Variants in DDX60 observed in about 807,000 individuals in gnomAD.
The protein encoded by DDX60 is probable ATP-dependent RNA helicase DDX60.
In DDX60, 165 loss-of-function variants were observed where a neutral mutation model predicts 212.8. That is an observed-to-expected ratio of 0.78 (90% CI 0.68 to 0.88). The LOEUF (loss-of-function observed/expected upper bound fraction) is 0.88, where lower values mean the gene tolerates loss of function less well. Among genes scored for constraint, DDX60 ranks in the 40% least tolerant of loss-of-function variants. The pLI, the probability that DDX60 is intolerant of heterozygous loss-of-function variation, is 0.00. For synonymous variants in DDX60, 703 were observed against 685.3 expected, an observed-to-expected ratio of 1.03 and a Z score of -0.40; for missense variants, 1,905 against 2,003.9, an observed-to-expected ratio of 0.95 and a Z score of 0.94.
chr4:168,282,695 C>A lies in DDX60; in HGVS notation c.1722+751G>T, dbSNP rs188601443. Among the ~76,000 whole-genome samples, 77 of 152,182 alleles carry A rather than the reference C, an allele frequency of 5.1e-4. No homozygotes were observed. In the Middle Eastern group the frequency reaches 0.01, roughly 20 times the overall value. ...AGATACTAAAGCCTGATGAGTTTTC[C>A]ATTTGTTTAAGATGGAAACCATTTA... On this transcript the variant is annotated intron_variant, in intron 13 of 37. Coordinates refer to ENST00000393743, the MANE Select transcript of DDX60 (RefSeq NM_017631.6).
chr4:168,239,354 T>G (rs780567633), intron 30 of DDX60, among the ~76,000 whole-genome samples: 31 of 150,776 alleles, frequency 2.1e-4, no homozygotes, highest in South Asian at 8.4e-4. Context: ...AGATAGCAGA[T>G]AGCAGAGAGA....
chr4:168,267,339 C>T (rs1288424732), intron 22 of DDX60, among the ~76,000 whole-genome samples: 18 of 152,056 alleles, frequency 1.2e-4, no homozygotes, highest in Admixed American at 1.2e-3. Context: ...ATAAAATTAG[C>T]TAAAAATTCA....
intron 6 of DDX60, among the ~76,000 whole-genome samples, chr4:168,298,794 AT>A (rs1736518777): frequency 1.3e-5 from 2 of 152,178 alleles, no homozygotes; most frequent in South Asian, 2.1e-4. Context: ...TCCCCAGCAC[AT>A]CCATAAAAAT....
At chr4:168,307,510 C>T (rs2149550771) in intron 4 of DDX60, among the ~76,000 whole-genome samples, 1 of 152,258 alleles carries the variant, frequency 6.6e-6, no homozygotes, top group Non-Finnish European at 1.5e-5. Flanking sequence ...GTGGCGTGAT[C>T]ATGGCTCACT....
At chr4:168,297,681 G>A (rs1305468659) in intron 6 of DDX60, among the ~76,000 whole-genome samples, 2 of 152,108 alleles carry the variant, frequency 1.3e-5, no homozygotes, top group African/African-American at 4.8e-5. Flanking sequence ...CAGCACTTTG[G>A]GAGGCTGGGG....
chr4:168,218,524 C>A (rs977633289), intron 37 of DDX60, among the ~76,000 whole-genome samples: 1 of 152,134 alleles, frequency 6.6e-6, no homozygotes, highest in Non-Finnish European at 1.5e-5. Flanking sequence ...GCCTTTGCAC[C>A]TACATATTTC....
intron 30 of DDX60, among the ~76,000 whole-genome samples, chr4:168,242,489 C>A (rs1733881223): frequency 6.6e-6 from 1 of 152,206 alleles, no homozygotes; most frequent in African/African-American, 2.4e-5. Context: ...TCAGTGTGAC[C>A]TGGATGTGAG....
chr4:168,226,801 G>A (rs1399701913), intron 33 of DDX60, among the ~76,000 whole-genome samples: 3 of 152,066 alleles, frequency 2.0e-5, no homozygotes, highest in East Asian at 3.9e-4. Flanking sequence ...CACTTCACAC[G>A]TTCTCACTAC....
chr4:168,297,377 AGAAAGAGAAAGAAAGAAAGAAAGAAAGAC>A (rs1736440360), intron 6 of DDX60, among the ~76,000 whole-genome samples: 1 of 59,160 alleles, frequency 1.7e-5, no homozygotes, highest in Non-Finnish European at 3.2e-5. Context: ...AAAGAAAGAA[AGAAAGAGAAAGAAAGAAAGAAAGAAAGAC>A]AATAAATAAT....
At position 168,236,388 on chromosome 4, in the gene DDX60, G is replaced by A. The variant is rs569231619; in HGVS notation, c.4412-15C>T. 1.8e-5 allele frequency: 29 copies of A among 1,575,124 alleles called. No homozygotes were observed. The highest frequency in any genetic ancestry group is 1.5e-4 in the African/African-American group (11 of 72,948). ...ATGTTTTGAGCCTATATAAAACAAA[G>A]TGTCTTCTTGTAAATATGAAAGGGT... On this transcript the variant is annotated splice_polypyrimidine_tract_variant and intron_variant, in intron 32 of 37. Transcript: ENST00000393743.
At chr4:168,228,806 A>G (rs1211518290) in intron 33 of DDX60, among the ~76,000 whole-genome samples, 1 of 152,026 alleles carries the variant, frequency 6.6e-6, no homozygotes, top group African/African-American at 2.4e-5. Flanking sequence ...CTATGTACCT[A>G]AAGTATATAT....
chr4:168,250,271 G>C (rs7695723), intron 28 of DDX60, among the ~76,000 whole-genome samples: 3,379 of 152,092 alleles, frequency 0.022, 210 homozygotes, highest in East Asian at 0.15. Context: ...GCCTTGTGCA[G>C]TGGCTAACAC....
chr4:168,311,055 A>G lies in DDX60; in HGVS notation c.17T>C (p.Leu6Pro). MERNV[L>P]TTFSQEMSQL... The stretch of plus-strand genomic sequence containing the variant: ...GGACATTTCCTGTGAAAATGTTGTA[A>G]GAACATTTCTTTCTAAATTTAAAAA... Residue 6 changes from leucine (L) to proline (P), a missense_variant, in exon 3 of 38, where the codon CTT becomes CCT. Leu to Pro is a moderately conservative substitution (Grantham distance 98). Coordinates refer to ENST00000393743, the MANE Select transcript of DDX60 (RefSeq NM_017631.6). 6.3e-7 allele frequency: 1 copy of G among 1,576,722 alleles called. No individual in the cohort carries two copies. The highest frequency in any genetic ancestry group is 8.7e-7 in the Non-Finnish European group (1 of 1,151,640).
At chr4:168,256,935 C>T (rs1477969501) in intron 25 of DDX60, among the ~76,000 whole-genome samples, 2 of 152,222 alleles carry the variant, frequency 1.3e-5, no homozygotes, top group African/African-American at 4.8e-5. Context: ...AACTGGCACA[C>T]TGGTGAAGTA....
Position 168,317,834 on chromosome 4 carries a change from A to G in DDX60, c.-107+788T>C, listed in dbSNP as rs575232644. On this transcript the variant is annotated intron_variant, in intron 1 of 37. Coordinates refer to ENST00000393743, the MANE Select transcript of DDX60 (RefSeq NM_017631.6). ...TAGCTAAGATCTCAGGGTGAAATCT[A>G]AAGACATGGGAACCCCCAGCCAACA... Among the ~76,000 whole-genome samples, 3 of 152,280 alleles carry G rather than the reference A, an allele frequency of 2.0e-5. No homozygotes were observed. The South Asian group carries it at 6.2e-4, about 32-fold the overall frequency.
Position 168,293,918 on chromosome 4 carries a change from G to C in DDX60, c.751C>G (p.Gln251Glu), listed in dbSNP as rs1432296483. The change falls in exon 7 of 38, where the codon CAA becomes GAA. Residue 251 changes from glutamine (Q) to glutamate (E), a missense_variant. Physicochemically the swap from Gln to Glu is conservative, Grantham distance 29. Transcript: ENST00000393743. ...EAHKTVSLLT[Q>E]VWPEGSDIRR... ...ATGTCAGATCCTTCTGGCCAGACTTGTGTAAGCAGAGATACAGTCTTGTGT... is the reference window on the plus strand; with the variant it reads ...ATGTCAGATCCTTCTGGCCAGACTTCTGTAAGCAGAGATACAGTCTTGTGT... The C allele has an allele frequency of 4.3e-6, 7 of 1,613,320 alleles. No individual in the cohort carries two copies. The Admixed American group carries it at 5.0e-5, about 12-fold the overall frequency.
intron 25 of DDX60, among the ~76,000 whole-genome samples, chr4:168,256,142 C>T (rs1446648455): frequency 2.3e-5 from 3 of 131,960 alleles, no homozygotes; most frequent in African/African-American, 8.4e-5. Flanking sequence ...TGGGACAATG[C>T]AATCAGAACT....
intron 28 of DDX60, among the ~76,000 whole-genome samples, chr4:168,249,572 T>C (rs188460827): frequency 1.6e-3 from 244 of 152,306 alleles, no homozygotes; most frequent in Non-Finnish European, 2.4e-3. Context: ...AGCAAAGCTG[T>C]CACTATTTTC....
At position 168,287,040 on chromosome 4, in the gene DDX60, T is replaced by C. The variant is rs1735890927; in HGVS notation, c.1339+8A>G. 6.3e-7 allele frequency: 1 copy of C among 1,590,892 alleles called. No individual in the cohort carries two copies. Among genetic ancestry groups the C allele is most frequent in the African/African-American group, 1.4e-5 (1 of 73,564 alleles). ...CTTTCATTTCAGATTAATTTAGAAATTTATTACCTTTGATTGGTGATGGTT... is the reference window on the plus strand; with the variant it reads ...CTTTCATTTCAGATTAATTTAGAAACTTATTACCTTTGATTGGTGATGGTT... On this transcript the variant is annotated splice_region_variant and intron_variant, in intron 10 of 37. Transcript: ENST00000393743.
Sources: gnomAD v4.1 joint callset for allele counts (sites outside exome capture counted in the v4.1 genomes callset) on GRCh38, gnomAD v4.1.1 for gene constraint, MANE v1.5 for transcripts, NCBI Gene and HGNC (gene_info 2026-07-23, HGNC 2026-07-21) for gene names.